The following CYRIB variants were observed in gnomAD, a reference collection of about 807,000 sequenced individuals.
The protein encoded by CYRIB is CYFIP-related Rac1 interactor B.
A neutral mutation model predicts 44.2 loss-of-function variants in CYRIB; 8 were observed. The observed-to-expected ratio is 0.18, with a 90% CI of 0.11 to 0.33. The LOEUF is 0.33. Ranked by LOEUF, CYRIB falls within the 10% of genes least tolerant of loss-of-function variation. CYRIB has a pLI of 1.00. For missense variants in CYRIB, 185 were observed against 382.8 expected, an observed-to-expected ratio of 0.48 and a Z score of 4.31; for synonymous variants, 131 against 127.2, an observed-to-expected ratio of 1.03 and a Z score of -0.20.
intron 1 of CYRIB, among the ~76,000 whole-genome samples, chr8:129,903,828 C>T (rs1474002348): frequency 6.6e-6 from 1 of 152,156 alleles, no homozygotes; most frequent in African/African-American, 2.4e-5. Flanking sequence ...TATTCCGTGA[C>T]CATAACCTAT....
intron 1 of CYRIB, among the ~76,000 whole-genome samples, chr8:130,012,421 A>C (rs2097246391): frequency 6.6e-6 from 1 of 152,238 alleles, no homozygotes; most frequent in Admixed American, 6.5e-5. Context: ...AAGGAAACTG[A>C]AGCTCTGTCA....
At chr8:129,907,405 T>A (rs975462532) in intron 1 of CYRIB, among the ~76,000 whole-genome samples, 2 of 151,102 alleles carry the variant, frequency 1.3e-5, no homozygotes, top group African/African-American at 4.9e-5. Flanking sequence ...ATGACAACAC[T>A]TGGACACAGG....
chr8:129,890,571 T>C (rs975590617), intron 2 of CYRIB: 4 of 152,226 alleles, frequency 2.6e-5, no homozygotes, highest in African/African-American at 9.6e-5. Flanking sequence ...AGTCTGCTTA[T>C]TGAACGGCTT....
At chr8:129,984,275 G>C (rs2096367783) in intron 1 of CYRIB, among the ~76,000 whole-genome samples, 1 of 152,208 alleles carries the variant, frequency 6.6e-6, no homozygotes, top group Non-Finnish European at 1.5e-5. Context: ...TCTCCTTGCA[G>C]ATGGCTGAGC....
intron 1 of CYRIB, among the ~76,000 whole-genome samples, chr8:129,990,905 C>T (rs565689816): frequency 5.3e-5 from 8 of 152,078 alleles, no homozygotes; most frequent in East Asian, 1.9e-4. Flanking sequence ...CCAAGGTGAG[C>T]GGATCACCTG....
intron 2 of CYRIB, among the ~76,000 whole-genome samples, chr8:129,964,673 C>T (rs2095404804): frequency 6.6e-6 from 1 of 152,054 alleles, no homozygotes; most frequent in African/African-American, 2.4e-5. Context: ...CACTTGAGCC[C>T]AGGAGTTCAA....
chr8:129,924,906 A>T (rs563273904), intron 1 of CYRIB, among the ~76,000 whole-genome samples: 47 of 152,356 alleles, frequency 3.1e-4, no homozygotes, highest in Non-Finnish European at 4.3e-4. Flanking sequence ...CAGGCCTTGG[A>T]AGTCGAGGCT....
At chr8:129,874,332 A>T (rs1174847927) in intron 3 of CYRIB, among the ~76,000 whole-genome samples, 4 of 152,102 alleles carry the variant, frequency 2.6e-5, no homozygotes, top group Non-Finnish European at 5.9e-5. Context: ...AAATTTTATT[A>T]ACTTCACACT....
chr8:129,927,023 C>T (rs2088178143), intron 1 of CYRIB, among the ~76,000 whole-genome samples: 1 of 152,144 alleles, frequency 6.6e-6, no homozygotes, highest in Non-Finnish European at 1.5e-5. Context: ...TGGCTCATGC[C>T]TGTAATCCCA....
intron 10 of CYRIB, among the ~76,000 whole-genome samples, chr8:129,848,057 C>T (rs569605352): frequency 2.6e-5 from 4 of 152,230 alleles, no homozygotes; most frequent in South Asian, 2.1e-4. Flanking sequence ...CCGCCTGCCT[C>T]GGCCTGCCAA....
chr8:129,890,818 G>A (rs1346595893), intron 2 of CYRIB, among the ~76,000 whole-genome samples: 2 of 151,944 alleles, frequency 1.3e-5, no homozygotes, highest in Non-Finnish European at 2.9e-5. Flanking sequence ...TTTTGAACAC[G>A]GGAGGCGGAG....
At chr8:129,973,295 T>C (rs890479507) in intron 1 of CYRIB, among the ~76,000 whole-genome samples, 2 of 152,198 alleles carry the variant, frequency 1.3e-5, no homozygotes, top group East Asian at 3.9e-4. Flanking sequence ...AAGTTAGAAT[T>C]GGCCAGAGGC....
intron 4 of CYRIB, among the ~76,000 whole-genome samples, chr8:129,864,297 T>C (rs368621915): frequency 5.9e-5 from 9 of 152,376 alleles, no homozygotes; most frequent in South Asian, 4.1e-4. Flanking sequence ...CATTCTATAG[T>C]AATGAGAACA....
Position 129,884,925 on chromosome 8 carries a change from C to T in CYRIB, c.-10-5454G>A, listed in dbSNP as rs755938622. On this transcript the variant is annotated intron_variant, in intron 2 of 11. Transcript: ENST00000519824. ...TTGACAACTTATCTGGAAAGGAACA[C>T]GCCCTTCCTGGCCGGTAGTCTGTGG... 1.2e-4 allele frequency among the ~76,000 whole-genome samples: 18 copies of T among 152,288 alleles called. No homozygotes were observed. The South Asian group carries it at 1.9e-3, about 16-fold the overall frequency.
intron 11 of CYRIB, chr8:129,843,823 G>T (rs147108735): frequency 6.6e-6 from 1 of 152,202 alleles, no homozygotes; most frequent in African/African-American, 2.4e-5. Context: ...TTAAGTACCT[G>T]ATATACTGTC....
At chr8:129,995,306 G>A (rs2096740619) in intron 1 of CYRIB, among the ~76,000 whole-genome samples, 1 of 152,172 alleles carries the variant, frequency 6.6e-6, no homozygotes, top group Admixed American at 6.5e-5. Flanking sequence ...AGCCAAGTGT[G>A]AACAAAGGAA....
chr8:129,870,473 A>T (rs2056701553), intron 4 of CYRIB, among the ~76,000 whole-genome samples: 1 of 152,222 alleles, frequency 6.6e-6, no homozygotes, highest in Non-Finnish European at 1.5e-5. Context: ...ACATTTGGTC[A>T]ATCACCAACA....
chr8:129,938,917 G>A (rs1009137427), intron 1 of CYRIB, among the ~76,000 whole-genome samples: 8 of 152,182 alleles, frequency 5.3e-5, no homozygotes, highest in African/African-American at 1.7e-4. Context: ...GACAGTTATA[G>A]ATTTGGGTAA....
At chr8:130,009,774 G>A (rs2097179848) in intron 1 of CYRIB, among the ~76,000 whole-genome samples, 1 of 152,208 alleles carries the variant, frequency 6.6e-6, no homozygotes, top group African/African-American at 2.4e-5. Context: ...TTCCAGGGAA[G>A]CAGGTGATAG....
Sources: allele counts gnomAD v4.1 joint callset (sites outside exome capture counted in the v4.1 genomes callset), GRCh38; gene constraint gnomAD v4.1.1; transcripts MANE v1.5; gene names NCBI Gene and HGNC (gene_info 2026-07-23, HGNC 2026-07-21).